Variants in SDCCAG8 observed in about 807,000 individuals in gnomAD.
SDCCAG8 encodes the protein serologically defined colon cancer antigen 8.
In SDCCAG8, 74 loss-of-function variants were observed where a neutral mutation model predicts 101.8. The observed-to-expected ratio is 0.73, with a 90% CI of 0.60 to 0.88. The LOEUF (loss-of-function observed/expected upper bound fraction) is 0.88. Among genes scored for constraint, SDCCAG8 ranks in the 40% least tolerant of loss-of-function variants. The probability of loss-of-function intolerance (pLI) is 0.00; values close to 1 mark genes in which losing one functional copy is unlikely to be tolerated. For synonymous variants in SDCCAG8, 281 were observed against 292.9 expected (o/e 0.96, Z 0.41); for missense variants, 787 against 822.6 (o/e 0.96, Z 0.53).
At chr1:243,274,821 T>A (rs2068400851) in intron 4 of SDCCAG8, among the ~76,000 whole-genome samples, 165 bp downstream of exon 4, 1 of 152,222 alleles carries the variant, frequency 6.6e-6, no homozygotes, top group Non-Finnish European at 1.5e-5. Flanking sequence ...CTTGTCAGAC[T>A]TGGGAATGAT....
chr1:243,431,848 A>G (rs568237841), intron 16 of SDCCAG8, among the ~76,000 whole-genome samples: 1 of 152,270 alleles, frequency 6.6e-6, no homozygotes, highest in South Asian at 2.1e-4. Flanking sequence ...GGTTTCGTCA[A>G]TTACACAGTT....
intron 16 of SDCCAG8, among the ~76,000 whole-genome samples, chr1:243,470,485 T>TTTTTTTTTTC: frequency 6.6e-6 from 1 of 151,992 alleles, no homozygotes; most frequent in Non-Finnish European, 1.5e-5. Context: ...CTTTTCCTTT[T>TTTTTTTTTTC]TTTTTTTTTC....
intron 9 of SDCCAG8, among the ~76,000 whole-genome samples, chr1:243,327,803 C>G (rs886824513): frequency 6.6e-6 from 1 of 152,196 alleles, no homozygotes; most frequent in Admixed American, 6.5e-5. Flanking sequence ...TTTTCTGATT[C>G]CAAGTGTTAC....
chr1:243,497,539 G>A (rs989225757), intron 17 of SDCCAG8, among the ~76,000 whole-genome samples: 2 of 152,172 alleles, frequency 1.3e-5, no homozygotes, highest in Admixed American at 6.5e-5. Context: ...GCAGGCCCAC[G>A]GAATCAGGAG....
At chr1:243,490,515 C>T (rs1484325859) in intron 17 of SDCCAG8, among the ~76,000 whole-genome samples, 1 of 152,220 alleles carries the variant, frequency 6.6e-6, no homozygotes, top group African/African-American at 2.4e-5. Flanking sequence ...GAGAATTATT[C>T]CAGGTTGTGT....
intron 13 of SDCCAG8, 129 bp downstream of exon 13, chr1:243,378,992 A>G: frequency 8.3e-7 from 1 of 1,207,336 alleles, no homozygotes; most frequent in East Asian, 2.4e-5. Context: ...GCATATTAAG[A>G]AAAGTGGAGA....
rs1359744584 is a variant in SDCCAG8, at chr1:243,458,795, A to G, written c.1986-30219A>G. Among the ~76,000 whole-genome samples, 1 of 152,222 alleles carries G rather than the reference A, an allele frequency of 6.6e-6. No individual in the cohort carries two copies. The highest frequency in any genetic ancestry group is 2.4e-5 in the African/African-American group (1 of 41,466). ...CCAGTCAGATATGGCATTGTTTTAT[A>G]TTCCCATTGTCAGTGATCTCTAAAC... On this transcript the variant is annotated intron_variant, in intron 16 of 17. Transcript: ENST00000366541. This position sits in a 1 kb window ranked among gnomAD's most constrained non-coding sequence, Gnocchi z 4.5.
At chr1:243,284,173 G>A (rs2069353986) in intron 4 of SDCCAG8, among the ~76,000 whole-genome samples, 1 of 152,180 alleles carries the variant, frequency 6.6e-6, no homozygotes, top group Non-Finnish European at 1.5e-5. Context: ...GTAATTGTTT[G>A]ATGAATGCTG....
intron 16 of SDCCAG8, among the ~76,000 whole-genome samples, chr1:243,455,873 C>T (rs551585828): frequency 8.5e-4 from 129 of 152,338 alleles, no homozygotes; most frequent in African/African-American, 3.0e-3. Context: ...GTGCAAAGTA[C>T]ATTTGATAAT....
At position 243,415,630 on chromosome 1, in the gene SDCCAG8, T is replaced by A. The variant is rs1368070656; in HGVS notation, c.1617-72T>A. The A allele has an allele frequency of 2.5e-6, 4 of 1,601,984 alleles. No individual in the cohort carries two copies. The African/African-American group carries it at 4.0e-5, about 16-fold the overall frequency. The stretch of plus-strand genomic sequence containing the variant: ...TTTACTACGTATCAGCTCTCTCTGG[T>A]CTATAGGGGACATGATGGGGGTTTG... On this transcript the variant is annotated intron_variant, in intron 13 of 17. Transcript: ENST00000366541.
At chr1:243,338,301 G>A (rs1370817228) in intron 10 of SDCCAG8, among the ~76,000 whole-genome samples, 1 of 152,156 alleles carries the variant, frequency 6.6e-6, no homozygotes, top group Non-Finnish European at 1.5e-5. Flanking sequence ...AACATTGTAA[G>A]TGCTAGGCAG....
intron 16 of SDCCAG8, among the ~76,000 whole-genome samples, chr1:243,451,652 C>A (rs780082724): frequency 1.3e-5 from 2 of 152,056 alleles, no homozygotes; most frequent in Non-Finnish European, 2.9e-5. Flanking sequence ...AAGCCAGGCC[C>A]GATGGCTCAT....
intron 8 of SDCCAG8, among the ~76,000 whole-genome samples, chr1:243,316,242 A>G (rs2073220235): frequency 6.6e-6 from 1 of 152,222 alleles, no homozygotes; most frequent in East Asian, 1.9e-4. Flanking sequence ...AGTGTTCATA[A>G]GTAACTGAAA....
intron 6 of SDCCAG8, chr1:243,293,478 C>T: frequency 1.7e-6 from 1 of 603,802 alleles, no homozygotes; most frequent in African/African-American, 1.8e-5. Flanking sequence ...CCCCTGATGA[C>T]CTCTCTTCAA....
intron 9 of SDCCAG8, chr1:243,318,584 A>G: frequency 1.0e-6 from 1 of 985,102 alleles, no homozygotes. Flanking sequence ...ATTTGTCTTT[A>G]TCCAGTTCAT....
chr1:243,278,802 A>T (rs191319015), intron 4 of SDCCAG8, among the ~76,000 whole-genome samples: 1 of 151,948 alleles, frequency 6.6e-6, no homozygotes, highest in African/African-American at 2.4e-5. Context: ...AATTTTCTTG[A>T]GGAAGGGTCT....
chr1:243,291,541 C>T (rs2070268659), intron 5 of SDCCAG8, among the ~76,000 whole-genome samples: 1 of 152,198 alleles, frequency 6.6e-6, no homozygotes, highest in East Asian at 1.9e-4. Context: ...GGCATGCAGG[C>T]TGCATGTCAA....
Position 243,486,055 on chromosome 1 carries a change from G to A in SDCCAG8, c.1986-2959G>A, listed in dbSNP as rs752877219. Among the ~76,000 whole-genome samples the A allele has an allele frequency of 7.9e-5, 12 of 151,462 alleles. No individual in the cohort carries two copies. In the South Asian group the frequency reaches 8.4e-4, roughly 11 times the overall value. On this transcript the variant is annotated intron_variant, in intron 16 of 17. Transcript: ENST00000366541. Reference sequence around the variant, plus strand: ...CTCTACTAAAAATACAAAATTAGCCGCCGTTGTGGCACATGCCTGTAATTC... The same window carrying A: ...CTCTACTAAAAATACAAAATTAGCCACCGTTGTGGCACATGCCTGTAATTC...
rs1480686304 is a variant in SDCCAG8 at position 243,458,305 on chromosome 1, C to T, written c.1986-30709C>T. 6.6e-6 allele frequency among the ~76,000 whole-genome samples: 1 copy of T among 152,154 alleles called. No individual in the cohort carries two copies. Among genetic ancestry groups the T allele is most frequent in the Non-Finnish European group, 1.5e-5 (1 of 68,034 alleles). Reference sequence around the variant, plus strand: ...TGATTCCCTAATTTCCACAGTTTGACAGCACCGAATGTTGTGTTAAGCTTC... The same window carrying T: ...TGATTCCCTAATTTCCACAGTTTGATAGCACCGAATGTTGTGTTAAGCTTC... On this transcript the variant is annotated intron_variant, in intron 16 of 17. Coordinates refer to ENST00000366541, the MANE Select transcript of SDCCAG8 (RefSeq NM_006642.5). The surrounding 1 kb of genome is among the most constrained non-coding windows in gnomAD (Gnocchi z 4.5).
Sources: gnomAD v4.1 joint callset for allele counts (sites outside exome capture counted in the v4.1 genomes callset) on GRCh38, gnomAD v4.1.1 for gene constraint, Gnocchi (gnomAD v3.1) non-coding constraint, MANE v1.5 for transcripts, NCBI Gene and HGNC (gene_info 2026-07-23, HGNC 2026-07-21) for gene names.